KCNIP4: variants seen among roughly 807,000 people sequenced by gnomAD.
KCNIP4 encodes Kv channel-interacting protein 4.
Under a neutral mutation model 34.0 loss-of-function variants are expected in KCNIP4, and 12 were observed. That is an observed-to-expected ratio of 0.35 (90% confidence interval 0.23 to 0.57). The LOEUF (loss-of-function observed/expected upper bound fraction) is 0.57, where lower values mean the gene tolerates loss of function less well. Among genes scored for constraint, KCNIP4 ranks in the 20% least tolerant of loss-of-function variants. The pLI, the probability that KCNIP4 is intolerant of heterozygous loss-of-function variation, is 0.83. For missense variants in KCNIP4, 238 were observed against 311.7 expected (o/e 0.76, Z 1.78); for synonymous variants, 124 against 102.2 (o/e 1.21, Z -1.29).
intron 1 of KCNIP4, among the ~76,000 whole-genome samples, chr4:21,596,489 T>A (rs190280417): frequency 1.4e-4 from 21 of 152,284 alleles, no homozygotes; most frequent in Admixed American, 1.2e-3. Context: ...TTTCTTAACT[T>A]GGCATGTTGC....
intron 1 of KCNIP4, among the ~76,000 whole-genome samples, chr4:21,528,789 AAGAAAGGAAGAAAGGAAGG>A: frequency 3.7e-5 from 1 of 26,734 alleles, no homozygotes; most frequent in African/African-American, 1.4e-4. Flanking sequence ...GGAAGAAAGG[AAGAAAGGAAGAAAGGAAGG>A]AAGGAAGGAA....
intron 1 of KCNIP4, among the ~76,000 whole-genome samples, chr4:20,912,408 A>T (rs1728413736): frequency 6.6e-6 from 1 of 152,188 alleles, no homozygotes; most frequent in African/African-American, 2.4e-5. Flanking sequence ...TAATTCAAAA[A>T]TGAAACCTAA....
intron 7 of KCNIP4, 123 bp from the exon 8 acceptor site, chr4:20,732,191 C>A (rs1283548407): frequency 2.9e-6 from 2 of 685,328 alleles, no homozygotes; most frequent in East Asian, 2.7e-5. Context: ...CGTGGAGGAA[C>A]TGTTTCAGAG....
chr4:21,890,860 C>A (rs1406669119), intron 1 of KCNIP4, among the ~76,000 whole-genome samples: 2 of 151,946 alleles, frequency 1.3e-5, no homozygotes, highest in African/African-American at 4.8e-5. Context: ...AAACCCAAAG[C>A]CAGAGAATGA....
chr4:21,765,065 T>C (rs556207158), intron 1 of KCNIP4, among the ~76,000 whole-genome samples: 4 of 152,096 alleles, frequency 2.6e-5, no homozygotes, highest in Non-Finnish European at 5.9e-5. Flanking sequence ...GAGTATACAC[T>C]GTGGCTACAA....
intron 1 of KCNIP4, among the ~76,000 whole-genome samples, chr4:21,244,322 T>G (rs1476216161): frequency 1.3e-5 from 2 of 152,184 alleles, no homozygotes; most frequent in Non-Finnish European, 2.9e-5. Flanking sequence ...CACTTTTCCA[T>G]GAAAACCAGG....
At chr4:21,879,684 TTTC>T (rs1726350610) in intron 1 of KCNIP4, among the ~76,000 whole-genome samples, 2 of 152,176 alleles carry the variant, frequency 1.3e-5, no homozygotes, top group Admixed American at 6.6e-5. Flanking sequence ...TGAGTATTAT[TTTC>T]TTGTTTCGAT....
At chr4:21,837,272 G>A (rs1292220228) in intron 1 of KCNIP4, among the ~76,000 whole-genome samples, 1 of 147,628 alleles carries the variant, frequency 6.8e-6, no homozygotes, top group Non-Finnish European at 1.5e-5. Flanking sequence ...GGTGGCTCAC[G>A]CCTGTAATCC....
intron 1 of KCNIP4, among the ~76,000 whole-genome samples, chr4:21,215,269 T>C (rs776150220): frequency 7.9e-5 from 12 of 152,194 alleles, no homozygotes; most frequent in Non-Finnish European, 1.6e-4. Flanking sequence ...TCCTTTTTTT[T>C]TCAATTAATG....
At chr4:20,926,939 T>C (rs1335873174) in intron 1 of KCNIP4, among the ~76,000 whole-genome samples, 1 of 152,208 alleles carries the variant, frequency 6.6e-6, no homozygotes, top group Non-Finnish European at 1.5e-5. Flanking sequence ...AATCCACAAT[T>C]AGTATCATGA....
At chr4:20,958,103 T>G (rs2149654002) in intron 1 of KCNIP4, among the ~76,000 whole-genome samples, 2 of 152,352 alleles carry the variant, frequency 1.3e-5, no homozygotes, top group East Asian at 3.9e-4. Context: ...CTGGGTCTCT[T>G]GTTTCCTTAG....
intron 1 of KCNIP4, among the ~76,000 whole-genome samples, chr4:20,903,488 C>T (rs2149555599): frequency 6.6e-6 from 1 of 152,260 alleles, no homozygotes; most frequent in African/African-American, 2.4e-5. Flanking sequence ...TCTCCACAAT[C>T]TTTTATCTGA....
At chr4:20,871,329 G>T (rs1577289399) in intron 2 of KCNIP4, among the ~76,000 whole-genome samples, 1 of 152,094 alleles carries the variant, frequency 6.6e-6, no homozygotes, top group Non-Finnish European at 1.5e-5. Context: ...CAGTCTGGCT[G>T]AAGATGTGAA....
At chr4:21,124,304 C>A (rs985908262) in intron 1 of KCNIP4, among the ~76,000 whole-genome samples, 1 of 152,082 alleles carries the variant, frequency 6.6e-6, no homozygotes, top group African/African-American at 2.4e-5. Context: ...CTTCATGGAT[C>A]CCCTGATGGT....
chr4:21,793,903 G>C (rs1314909378), intron 1 of KCNIP4, among the ~76,000 whole-genome samples: 1 of 152,166 alleles, frequency 6.6e-6, no homozygotes, highest in African/African-American at 2.4e-5. Flanking sequence ...ATCAATGATA[G>C]ACTGGATTAA....
rs1490880182 is a variant in KCNIP4, at chr4:21,026,696, T to C, written c.62-143987A>G. Among the ~76,000 whole-genome samples the C allele has an allele frequency of 2.6e-5, 4 of 152,032 alleles. No individual in the cohort carries two copies. The East Asian group carries it at 5.8e-4, about 22-fold the overall frequency. Reference sequence around the variant, plus strand: ...TAAAAATAAAATAAAAAAGGATCCATGGTAACATCTTCATTAATTTCTTTT... The same window carrying C: ...TAAAAATAAAATAAAAAAGGATCCACGGTAACATCTTCATTAATTTCTTTT... On this transcript the variant is annotated intron_variant, in intron 1 of 8. Coordinates refer to ENST00000382152, the MANE Select transcript of KCNIP4 (RefSeq NM_025221.6).
intron 1 of KCNIP4, among the ~76,000 whole-genome samples, chr4:21,912,536 G>A (rs1236101356): frequency 6.6e-6 from 1 of 152,132 alleles, no homozygotes; most frequent in Admixed American, 6.6e-5. Context: ...CAGAAATAAT[G>A]TGGATAAAGA....
At chr4:21,759,544 C>G (rs920466718) in intron 1 of KCNIP4, among the ~76,000 whole-genome samples, 1 of 152,126 alleles carries the variant, frequency 6.6e-6, no homozygotes, top group African/African-American at 2.4e-5. Flanking sequence ...TCATAGACAT[C>G]AGAAATTGAT....
At chr4:21,858,421 T>C (rs1363348648) in intron 1 of KCNIP4, among the ~76,000 whole-genome samples, 1 of 152,222 alleles carries the variant, frequency 6.6e-6, no homozygotes, top group Admixed American at 6.5e-5. Context: ...TCTGGATTGA[T>C]TACTAGCACA....
Sources: gnomAD v4.1 joint callset for allele counts (sites outside exome capture counted in the v4.1 genomes callset) on GRCh38, gnomAD v4.1.1 for gene constraint, MANE v1.5 for transcripts, NCBI Gene and HGNC (gene_info 2026-07-23, HGNC 2026-07-21) for gene names.